The following GALNTL6 variants were observed in gnomAD, a reference collection of about 807,000 sequenced individuals.
GALNTL6 encodes polypeptide N-acetylgalactosaminyltransferase like 6, also known as polypeptide N-acetylgalactosaminyltransferase-like 6.
In GALNTL6, 46 loss-of-function variants were observed where a neutral mutation model predicts 73.7. The ratio of observed to expected loss-of-function variants is 0.62; its 90% confidence interval spans 0.49 to 0.80. GALNTL6 has a LOEUF of 0.80. Ranked by LOEUF, GALNTL6 falls within the 30% of genes least tolerant of loss-of-function variation. The pLI, the probability that GALNTL6 is intolerant of heterozygous loss-of-function variation, is 0.00. For synonymous variants in GALNTL6, 259 were observed against 263.7 expected (o/e 0.98, Z 0.17); for missense variants, 604 against 755.0 (o/e 0.80, Z 2.34).
chr4:172,332,987 A>G (rs1490594545), intron 4 of GALNTL6, among the ~76,000 whole-genome samples: 1 of 152,166 alleles, frequency 6.6e-6, no homozygotes, highest in East Asian at 1.9e-4. Flanking sequence ...CTTTTTAATA[A>G]TCACCATTCT....
rs201822738 is a variant in GALNTL6, at chr4:172,275,850, G to A, written c.248-35764G>A. Among the ~76,000 whole-genome samples, 48 of 152,128 alleles carry A rather than the reference G, an allele frequency of 3.2e-4. No individual in the cohort carries two copies. The South Asian group carries it at 3.9e-3, about 13-fold the overall frequency. On this transcript the variant is annotated intron_variant, in intron 3 of 12. Transcript: ENST00000506823. ...TGCATACCTGTAATTCCAGCTACTC[G>A]TGTGGCTGAGGCAGGAGAATCTCTT...
chr4:172,971,569 A>G (rs933094065), intron 10 of GALNTL6, among the ~76,000 whole-genome samples: 2 of 152,226 alleles, frequency 1.3e-5, no homozygotes, highest in African/African-American at 4.8e-5. Flanking sequence ...ATTGTCGCAT[A>G]GGCATTAACC....
chr4:172,727,839 TA>T (rs1399168541), intron 5 of GALNTL6, among the ~76,000 whole-genome samples: 18 of 151,892 alleles, frequency 1.2e-4, no homozygotes, highest in African/African-American at 4.3e-4. Flanking sequence ...ATATTTAAAT[TA>T]TTTTAATATT....
At chr4:171,982,932 T>A (rs978947478) in intron 2 of GALNTL6, among the ~76,000 whole-genome samples, 4 of 152,210 alleles carry the variant, frequency 2.6e-5, no homozygotes, top group African/African-American at 9.6e-5. Flanking sequence ...TTTTCACATG[T>A]AAAATGTAGA....
chr4:172,731,637 G>A (rs1443761459), intron 5 of GALNTL6, among the ~76,000 whole-genome samples: 1 of 151,844 alleles, frequency 6.6e-6, no homozygotes. Flanking sequence ...TGCCTTGTTA[G>A]GTTGTTAATT....
chr4:171,935,463 C>T (rs961623820), intron 2 of GALNTL6, among the ~76,000 whole-genome samples: 16 of 152,220 alleles, frequency 1.1e-4, no homozygotes, highest in African/African-American at 3.9e-4. Flanking sequence ...TGAAGAAACA[C>T]ACTGACTCTC....
chr4:172,420,648 A>G (rs942397761), intron 5 of GALNTL6, among the ~76,000 whole-genome samples: 2 of 152,150 alleles, frequency 1.3e-5, no homozygotes, highest in African/African-American at 2.4e-5. Flanking sequence ...AAAAATGGAA[A>G]ACCTTGCAAT....
At chr4:172,850,386 T>G (rs1348969998) in intron 7 of GALNTL6, among the ~76,000 whole-genome samples, 1 of 152,160 alleles carries the variant, frequency 6.6e-6, no homozygotes, top group Non-Finnish European at 1.5e-5. Flanking sequence ...GGATTACACT[T>G]GACAAAGGAG....
chr4:172,212,264 C>T (rs527669064), intron 2 of GALNTL6, among the ~76,000 whole-genome samples: 6 of 152,076 alleles, frequency 3.9e-5, no homozygotes, highest in South Asian at 2.1e-4. Context: ...CAGGTTCAAG[C>T]GATTCCCCTG....
chr4:172,018,867 G>A lies in GALNTL6; in HGVS notation c.138+204149G>A, dbSNP rs566995721. On this transcript the variant is annotated intron_variant, in intron 2 of 12. Transcript: ENST00000506823. ...GAGGGCCCCTGTGAGATATAGTCAG[G>A]GATGGCTTCCCTGGGTGCAAGCTGG... is the stretch of plus-strand genomic sequence containing the variant. Among the ~76,000 whole-genome samples, 9 of 152,172 alleles carry A rather than the reference G, an allele frequency of 5.9e-5. No homozygotes were observed. In the East Asian group the frequency reaches 1.6e-3, roughly 26 times the overall value.
At chr4:173,037,747 A>AT (rs1262218886) in intron 12 of GALNTL6, among the ~76,000 whole-genome samples, 2,531 of 143,544 alleles carry the variant, frequency 0.018, 22 homozygotes, top group Admixed American at 0.022. Context: ...CCACATGAGC[A>AT]TTTTTTTTTT....
intron 2 of GALNTL6, among the ~76,000 whole-genome samples, chr4:171,942,964 T>G (rs1257172412): frequency 6.6e-6 from 1 of 152,138 alleles, no homozygotes; most frequent in Non-Finnish European, 1.5e-5. Context: ...ATGACTGTGC[T>G]CCAAAAGCAG....
intron 2 of GALNTL6, among the ~76,000 whole-genome samples, chr4:172,183,794 C>CTTTT (rs33972396): frequency 3.7e-5 from 5 of 134,632 alleles, no homozygotes; most frequent in Admixed American, 7.6e-5. Flanking sequence ...CTGTTGAAGA[C>CTTTT]TTTTTTTTTT....
intron 7 of GALNTL6, 92 bp downstream of exon 7, chr4:172,813,815 C>T (rs528672356): frequency 1.7e-4 from 170 of 975,236 alleles, no homozygotes; most frequent in Middle Eastern, 1.0e-3. Flanking sequence ...TTATCTCTAA[C>T]AAAATGGAAT....
chr4:172,702,501 C>A (rs908221914), intron 5 of GALNTL6, among the ~76,000 whole-genome samples: 19 of 151,934 alleles, frequency 1.3e-4, no homozygotes, highest in African/African-American at 4.3e-4. Flanking sequence ...CCCCCCACCC[C>A]GACCCCCTCA....
chr4:172,080,761 A>C (rs954139137), intron 2 of GALNTL6, among the ~76,000 whole-genome samples: 2 of 151,814 alleles, frequency 1.3e-5, no homozygotes, highest in Non-Finnish European at 2.9e-5. Context: ...TCACTCTAAA[A>C]GGGCAGTTTT....
chr4:172,152,436 G>T (rs1002796030), intron 2 of GALNTL6, among the ~76,000 whole-genome samples: 7 of 152,170 alleles, frequency 4.6e-5, no homozygotes, highest in Non-Finnish European at 8.8e-5. Context: ...GTTGTCTGTG[G>T]TGATTGCATA....
chr4:172,973,893 CAGAG>C (rs1750690659), intron 10 of GALNTL6, among the ~76,000 whole-genome samples: 1 of 152,084 alleles, frequency 6.6e-6, no homozygotes, highest in Admixed American at 6.5e-5. Flanking sequence ...TCCAGTAAAA[CAGAG>C]AGAGATTGGG....
At chr4:172,422,227 T>C (rs771911907) in intron 5 of GALNTL6, among the ~76,000 whole-genome samples, 10 of 152,096 alleles carry the variant, frequency 6.6e-5, no homozygotes, top group Non-Finnish European at 1.2e-4. Context: ...CAATTTCTCT[T>C]CTGGACTTCT....
Sources: gnomAD v4.1 joint callset for allele counts (sites outside exome capture counted in the v4.1 genomes callset) on GRCh38, gnomAD v4.1.1 for gene constraint, MANE v1.5 for transcripts, NCBI Gene and HGNC (gene_info 2026-07-23, HGNC 2026-07-21) for gene names.